The following COX7A2L variants were observed in gnomAD, a reference collection of about 807,000 sequenced individuals.
COX7A2L encodes the protein cytochrome c oxidase subunit 7A2-like, mitochondrial.
In COX7A2L, 18 loss-of-function variants were observed where a neutral mutation model predicts 14.2. That is an observed-to-expected ratio of 1.27 (90% CI 0.88 to 1.88). COX7A2L has a LOEUF of 1.88. COX7A2L is among the 40% of genes most tolerant of loss of function. The pLI is 0.00. For missense variants in COX7A2L, 179 were observed against 138.8 expected (o/e 1.29, Z -1.46); for synonymous variants, 65 against 57.4 (o/e 1.13, Z -0.60).
chr2:42,361,240 C>A, upstream of COX7A2L: 3 of 1,386,044 alleles, frequency 2.2e-6, no homozygotes, highest in South Asian at 2.6e-5. Flanking sequence ...CGGCTGTGGT[C>A]CCGAGACTCA....
Position 42,361,135 on chromosome 2 carries a change from C to G in COX7A2L, c.27G>C (p.Thr9=), listed in dbSNP as rs138027067. ...AAGCCCATGCTCCTGCCAACTTCTG[C>G]GTGAAGCCACTAAACTTGTAGTACA... MYYKFSGF[T]QKLAGAWASE... is the part of the protein sequence containing the mutation. The change falls in exon 1 of 3, where the codon ACG becomes ACC. Residue 9 remains threonine (T), a synonymous_variant. Transcript: ENST00000234301. The G allele has an allele frequency of 9.9e-6, 16 of 1,613,688 alleles. No homozygotes were observed. The African/African-American group carries it at 1.7e-4, about 18-fold the overall frequency.
chr2:42,345,344 T>C (rs143797710), downstream of COX7A2L, among the ~76,000 whole-genome samples: 93 of 151,450 alleles, frequency 6.1e-4, 1 homozygote, highest in Middle Eastern at 3.4e-3. Context: ...GAATGTACCA[T>C]TGCACTCCAG....
chr2:42,360,195 G>C (rs1339721089), intron 1 of COX7A2L, among the ~76,000 whole-genome samples: 1 of 152,210 alleles, frequency 6.6e-6, no homozygotes, highest in African/African-American at 2.4e-5. Flanking sequence ...AGGATTAGGA[G>C]GGAATATACT....
upstream of COX7A2L, chr2:42,361,537 G>C (rs558994781): frequency 5.5e-6 from 1 of 180,186 alleles, no homozygotes; most frequent in Non-Finnish European, 1.2e-5. Flanking sequence ...GAGTCAGGTG[G>C]AGCATGCTTT....
chr2:42,336,228 T>G (rs1172774760), intron 2 of COX7A2L, among the ~76,000 whole-genome samples: 2 of 152,222 alleles, frequency 1.3e-5, no homozygotes, highest in African/African-American at 4.8e-5. Flanking sequence ...CATAGAATTT[T>G]GATCTTCCGT....
Position 42,361,212 on chromosome 2 carries a change from A to C in COX7A2L, c.-51T>G, listed in dbSNP as rs755131565. ...TCCGCTGCCAACGCGACCGCCCCAGAGAAGGACCCCGCCTCCCCGGCTGTG... is the reference window on the plus strand; with the variant it reads ...TCCGCTGCCAACGCGACCGCCCCAGCGAAGGACCCCGCCTCCCCGGCTGTG... On this transcript the variant is annotated 5_prime_UTR_variant, in exon 1 of 3. Coordinates refer to ENST00000234301, the MANE Select transcript of COX7A2L (RefSeq NM_004718.4). 3.3e-6 allele frequency: 5 copies of C among 1,528,526 alleles called. No individual in the cohort carries two copies. In the South Asian group the frequency reaches 5.9e-5, roughly 18 times the overall value. 94.7% of individuals were successfully genotyped at this position (1,528,526 alleles called of 1,614,324 possible).
chr2:42,347,382 C>G (rs1015702649), downstream of COX7A2L, among the ~76,000 whole-genome samples: 2 of 149,018 alleles, frequency 1.3e-5, no homozygotes, highest in African/African-American at 4.9e-5. Context: ...TCCTAAATCT[C>G]ACGTCTAGAA....
At chr2:42,337,067 C>T (rs985035615) in intron 2 of COX7A2L, among the ~76,000 whole-genome samples, 6 of 152,176 alleles carry the variant, frequency 3.9e-5, no homozygotes, top group Admixed American at 2.6e-4. Context: ...TAACTAGATG[C>T]TATAATGTAT....
intron 1 of COX7A2L, chr2:42,359,768 A>C (rs1670957519): frequency 6.6e-6 from 1 of 151,862 alleles, no homozygotes; most frequent in Non-Finnish European, 1.5e-5. Context: ...GCTACCAAGC[A>C]TGACATATCA....
intron 2 of COX7A2L, among the ~76,000 whole-genome samples, chr2:42,341,464 C>T (rs964322610): frequency 6.6e-6 from 1 of 152,208 alleles, no homozygotes; most frequent in African/African-American, 2.4e-5. Flanking sequence ...TCCTTAACTT[C>T]CTTTCCCACA....
downstream of COX7A2L, among the ~76,000 whole-genome samples, chr2:42,347,303 G>A (rs1031681975): frequency 7.9e-6 from 1 of 127,200 alleles, no homozygotes; most frequent in African/African-American, 3.0e-5. Context: ...ATGTAAACCA[G>A]CACCTTTTTT....
chr2:42,366,793 C>G (rs1481644029), intron 1 of COX7A2L, among the ~76,000 whole-genome samples: 1 of 152,198 alleles, frequency 6.6e-6, no homozygotes, highest in South Asian at 2.1e-4. Context: ...ATCTACAAAT[C>G]TCTCCATTTC....
chr2:42,366,147 G>A (rs548983186), upstream of COX7A2L, among the ~76,000 whole-genome samples: 42 of 152,032 alleles, frequency 2.8e-4, no homozygotes, highest in Non-Finnish European at 4.6e-4. Flanking sequence ...AACAAGGGGC[G>A]GGCTGGGTGT....
chr2:42,340,817 C>T (rs17029603), intron 2 of COX7A2L, among the ~76,000 whole-genome samples: 38,599 of 152,144 alleles, frequency 0.25, 5,268 homozygotes, highest in East Asian at 0.55. Flanking sequence ...TCTGCAAGCA[C>T]GGGAGGCCAG....
intron 1 of COX7A2L, chr2:42,359,098 G>A (rs988634767): frequency 6.6e-6 from 1 of 152,122 alleles, no homozygotes; most frequent in African/African-American, 2.4e-5. Flanking sequence ...CGTACAACAC[G>A]GACTAACCTC....
chr2:42,355,449 T>C (rs1670784912), intron 1 of COX7A2L, among the ~76,000 whole-genome samples: 3 of 152,214 alleles, frequency 2.0e-5, no homozygotes, highest in Admixed American at 6.5e-5. Context: ...GAGAGTATTT[T>C]TGAAGGGATT....
At chr2:42,365,159 C>T (rs1558638804), upstream of COX7A2L, among the ~76,000 whole-genome samples, 1 of 152,202 alleles carries the variant, frequency 6.6e-6, no homozygotes, top group African/African-American at 2.4e-5. Flanking sequence ...AATTACAGTA[C>T]ACACAGTTGT....
At chr2:42,361,029 C>T (rs1011616502) in intron 1 of COX7A2L, 61 bp downstream of exon 1, 4 of 1,580,702 alleles carry the variant, frequency 2.5e-6, no homozygotes, top group African/African-American at 1.3e-5. Context: ...GCCGCGACTG[C>T]CTGTCGCCGA....
At chr2:42,366,793 C>A (rs1481644029) in intron 1 of COX7A2L, among the ~76,000 whole-genome samples, 2 of 152,198 alleles carry the variant, frequency 1.3e-5, no homozygotes, top group East Asian at 3.8e-4. Context: ...ATCTACAAAT[C>A]TCTCCATTTC....
Sources: allele counts gnomAD v4.1 joint callset (sites outside exome capture counted in the v4.1 genomes callset), GRCh38; gene constraint gnomAD v4.1.1; transcripts MANE v1.5; gene names NCBI Gene and HGNC (gene_info 2026-07-23, HGNC 2026-07-21).